DNAH2: variants seen among roughly 807,000 people sequenced by gnomAD.
DNAH2 encodes the protein dynein axonemal heavy chain 2.
In DNAH2, 323 loss-of-function variants were observed where a neutral mutation model predicts 523.5. That is an observed-to-expected ratio of 0.62 (90% CI 0.56 to 0.68). The LOEUF (loss-of-function observed/expected upper bound fraction) is 0.68, where lower values mean the gene tolerates loss of function less well. Among genes scored for constraint, DNAH2 ranks in the 30% least tolerant of loss-of-function variants. The probability of loss-of-function intolerance (pLI) is 0.00; values close to 1 mark genes in which losing one functional copy is unlikely to be tolerated. For synonymous variants in DNAH2, 2,093 were observed against 2,177.4 expected, an observed-to-expected ratio of 0.96 and a Z score of 1.08; for missense variants, 4,907 against 5,701.5, an observed-to-expected ratio of 0.86 and a Z score of 4.49.
At chr17:7,741,821 G>A (rs1429520364) in intron 11 of DNAH2, among the ~76,000 whole-genome samples, 6 of 151,348 alleles carry the variant, frequency 4.0e-5, no homozygotes, top group Admixed American at 6.6e-5. Flanking sequence ...GCACCACCAC[G>A]CCCGGCTAAT....
intron 4 of DNAH2, among the ~76,000 whole-genome samples, chr17:7,730,317 C>T (rs747967872): frequency 2.6e-5 from 4 of 152,044 alleles, no homozygotes; most frequent in Non-Finnish European, 4.4e-5. Context: ...AGGTAATCAC[C>T]GTGTATGCAG....
intron 77 of DNAH2, among the ~76,000 whole-genome samples, chr17:7,825,702 G>A (rs951373975): frequency 6.6e-6 from 1 of 152,192 alleles, no homozygotes; most frequent in Non-Finnish European, 1.5e-5. Flanking sequence ...TTCACAAGTT[G>A]TTGGAGAAAT....
chr17:7,773,195 G>T (rs1204257507), intron 28 of DNAH2, among the ~76,000 whole-genome samples: 1 of 152,160 alleles, frequency 6.6e-6, no homozygotes, highest in Non-Finnish European at 1.5e-5. Flanking sequence ...GTCTTCTGCC[G>T]CCTGCTCTGG....
intron 3 of DNAH2, 32 bp from the exon 4 acceptor site, chr17:7,727,090 A>T: frequency 6.7e-7 from 1 of 1,503,344 alleles, no homozygotes; most frequent in Non-Finnish European, 8.8e-7. Flanking sequence ...TGGCAGTTGT[A>T]GTTACTTTGG....
intron 63 of DNAH2, among the ~76,000 whole-genome samples, chr17:7,814,627 G>A (rs748230440): frequency 1.5e-4 from 23 of 152,174 alleles, no homozygotes; most frequent in Non-Finnish European, 4.4e-5. Context: ...TAATCCCAGC[G>A]CTTTGGGAGG....
intron 39 of DNAH2, among the ~76,000 whole-genome samples, chr17:7,783,614 G>A (rs1433664432): frequency 5.9e-5 from 9 of 151,970 alleles, no homozygotes; most frequent in Non-Finnish European, 8.8e-5. Flanking sequence ...CTTGAGGTGA[G>A]GAGTTTGAGA....
In DNAH2 at chr17:7,778,272, A is replaced by G. The variant is rs1312163954; in HGVS notation, c.5352-8A>G. 6.2e-7 allele frequency: 1 copy of G among 1,614,122 alleles called. No individual in the cohort carries two copies. The highest frequency in any genetic ancestry group is 8.5e-7 in the Non-Finnish European group (1 of 1,179,992). On this transcript the variant is annotated splice_polypyrimidine_tract_variant and splice_region_variant and intron_variant, in intron 34 of 85. Coordinates refer to ENST00000572933, the MANE Select transcript of DNAH2 (RefSeq NM_020877.5). ...GAGTCTGACTCTAGTTCTGTCCTCAATTCTCAGGTGTTACATGACACTGAC... is the reference window on the plus strand; with the variant it reads ...GAGTCTGACTCTAGTTCTGTCCTCAGTTCTCAGGTGTTACATGACACTGAC...
At position 7,799,211 on chromosome 17, in the gene DNAH2, C is replaced by G; in HGVS notation, c.8668C>G (p.Leu2890Val). ...ERVQNNLHIV[L>V]CLSPMGDPFR... is the part of the protein sequence containing the mutation. The stretch of plus-strand genomic sequence containing the variant: ...CGTGCAGAACAACCTGCACATCGTG[C>G]TCTGCCTCAGCCCCATGGGGGATCC... Residue 2890 changes from leucine to valine, a missense_variant, in exon 56 of 86, where the codon CTC (leucine) becomes GTC (valine). By Grantham distance (32) the Leu-to-Val change is conservative. This residue lies in a region of DNAH2 where 1,851 missense variants were observed against 2,139.4 expected (regional missense o/e 0.87). Coordinates refer to ENST00000572933, the MANE Select transcript of DNAH2 (RefSeq NM_020877.5). The G allele has an allele frequency of 6.2e-7, 1 of 1,614,270 alleles. No individual in the cohort carries two copies. The highest frequency in any genetic ancestry group is 8.5e-7 in the Non-Finnish European group (1 of 1,180,056).
intron 39 of DNAH2, among the ~76,000 whole-genome samples, chr17:7,785,533 G>C (rs1257764822): frequency 6.6e-6 from 1 of 152,180 alleles, no homozygotes; most frequent in Non-Finnish European, 1.5e-5. Flanking sequence ...GAATTAGTGA[G>C]GCCTGTTAGT....
At position 7,754,655 on chromosome 17, in the gene DNAH2, C is replaced by T. The variant is rs2075785557; in HGVS notation, c.1905-2436C>T. The T allele has an allele frequency of 2.9e-6, 4 of 1,383,074 alleles. No homozygotes were observed. In the South Asian group the frequency reaches 3.5e-5, roughly 12 times the overall value. 85.7% of individuals were successfully genotyped at this position (1,383,074 alleles called of 1,614,324 possible). On this transcript the variant is annotated intron_variant, in intron 12 of 85. Coordinates refer to ENST00000572933, the MANE Select transcript of DNAH2 (RefSeq NM_020877.5). This position sits in a 1 kb window ranked among gnomAD's most constrained non-coding sequence, Gnocchi z 4.6. ...AGCCCAAGATCCCAAAGGGTGTCAG[C>T]CATAAACTTGATCGACTTGCCTACA...
At chr17:7,802,426 T>C (rs1465216116) in intron 58 of DNAH2, among the ~76,000 whole-genome samples, 1 of 152,142 alleles carries the variant, frequency 6.6e-6, no homozygotes, top group Non-Finnish European at 1.5e-5. Context: ...CCGTGGGGGA[T>C]TGGTTCCAGG....
intron 42 of DNAH2, 141 bp from the exon 43 acceptor site, chr17:7,787,719 G>A: frequency 8.6e-7 from 1 of 1,166,298 alleles, no homozygotes; most frequent in Non-Finnish European, 1.2e-6. Context: ...CTGGGTGACG[G>A]AGTGAGACTT....
At chr17:7,790,953 C>T (rs772154478) in intron 44 of DNAH2, among the ~76,000 whole-genome samples, 3 of 152,148 alleles carry the variant, frequency 2.0e-5, no homozygotes, top group Non-Finnish European at 2.9e-5. Flanking sequence ...GCAATACTCC[C>T]ACCTCAGCTT....
At chr17:7,770,465 C>T (rs2076283910) in intron 25 of DNAH2, 57 bp downstream of exon 25, 12 of 1,613,238 alleles carry the variant, frequency 7.4e-6, no homozygotes, top group Middle Eastern at 1.6e-4. Flanking sequence ...AGCACAGGCT[C>T]CAGCTGTTCA....
intron 12 of DNAH2, among the ~76,000 whole-genome samples, chr17:7,748,059 C>G (rs1456339397): frequency 1.3e-5 from 2 of 152,238 alleles, no homozygotes; most frequent in Non-Finnish European, 2.9e-5. Flanking sequence ...AGTCCTGGAG[C>G]CTTCCAGTCC....
At chr17:7,738,522 G>C (rs138213906) in intron 8 of DNAH2, among the ~76,000 whole-genome samples, 4 of 151,904 alleles carry the variant, frequency 2.6e-5, no homozygotes, top group Non-Finnish European at 5.9e-5. Flanking sequence ...GTAGAGACAG[G>C]GTTTCACCGT....
At chr17:7,806,151 T>C (rs1339601815) in intron 61 of DNAH2, among the ~76,000 whole-genome samples, 1 of 152,240 alleles carries the variant, frequency 6.6e-6, no homozygotes, top group African/African-American at 2.4e-5. Flanking sequence ...TTACATGAGA[T>C]ATTCAACACT....
rs866427879 is a variant in DNAH2 at position 7,775,086 on chromosome 17, A to G, written c.4719+110A>G. On this transcript the variant is annotated intron_variant, in intron 29 of 85. Transcript: ENST00000572933. ...CCCAAAAGGAGGGCCATGTTAATTA[A>G]TGATTCTCAATTCTCAGGGGGATAG... The G allele has an allele frequency of 8.3e-5, 105 of 1,270,036 alleles. No individual in the cohort carries two copies. In the Middle Eastern group the frequency reaches 2.5e-3, roughly 30 times the overall value. 78.7% of individuals were successfully genotyped at this position (1,270,036 alleles called of 1,614,324 possible).
At position 7,776,900 on chromosome 17, in the gene DNAH2, G is replaced by A. The variant is rs1419064374; in HGVS notation, c.5058+11G>A. ...ATGAAGAAGAACCAGGTGAGAGGCT[G>A]GGCGCACTGGCTCATGCTTGTAATC... On this transcript the variant is annotated intron_variant, in intron 32 of 85. Coordinates refer to ENST00000572933, the MANE Select transcript of DNAH2 (RefSeq NM_020877.5). 2 of 1,600,428 alleles carry A rather than the reference G, an allele frequency of 1.2e-6. No homozygotes were observed. Among genetic ancestry groups the A allele is most frequent in the Non-Finnish European group, 1.7e-6 (2 of 1,170,430 alleles).
Sources: gnomAD v4.1 joint callset for allele counts (sites outside exome capture counted in the v4.1 genomes callset) on GRCh38, gnomAD v4.1.1 for gene constraint, gnomAD v4.1.1 regional missense constraint, Gnocchi (gnomAD v3.1) non-coding constraint, MANE v1.5 for transcripts, NCBI Gene and HGNC (gene_info 2026-07-23, HGNC 2026-07-21) for gene names.